MRC2: variants seen among roughly 807,000 people sequenced by gnomAD.
MRC2 encodes mannose receptor C-type 2.
A neutral mutation model predicts 206.2 loss-of-function variants in MRC2; 84 were observed. That is an observed-to-expected ratio of 0.41 (90% CI 0.34 to 0.49). The LOEUF is 0.49. Among genes scored for constraint, MRC2 ranks in the 20% least tolerant of loss-of-function variants. The pLI is 0.31. For synonymous variants in MRC2, 798 were observed against 800.0 expected (o/e 1.00, Z 0.04); for missense variants, 1,676 against 2,001.5 (o/e 0.84, Z 3.10).
intron 8 of MRC2, among the ~76,000 whole-genome samples, chr17:62,673,500 G>A (rs963570320): frequency 5.0e-5 from 7 of 139,538 alleles, no homozygotes; most frequent in Admixed American, 3.8e-4. Flanking sequence ...GTAAAAGGAC[G>A]CCTTTCCTTT....
rs2088844476 is a variant in MRC2, at chr17:62,672,898, A to G, written c.1461+746A>G. 6.6e-6 allele frequency among the ~76,000 whole-genome samples: 1 copy of G among 152,118 alleles called. No individual in the cohort carries two copies. The highest frequency in any genetic ancestry group is 2.4e-5 in the African/African-American group (1 of 41,398). ...TCCCAGCTACTCCAGAGGCTGAGGC[A>G]AGAGAATCGCTTGAACCTGGAAGGC... On this transcript the variant is annotated intron_variant, in intron 8 of 29. Coordinates refer to ENST00000303375, the MANE Select transcript of MRC2 (RefSeq NM_006039.5). This position sits in a 1 kb window ranked among gnomAD's most constrained non-coding sequence, Gnocchi z 4.5.
chr17:62,690,609 A>G (rs2089096225), intron 26 of MRC2, 33 bp from the exon 27 acceptor site: 1 of 1,563,342 alleles, frequency 6.4e-7, no homozygotes, highest in East Asian at 2.3e-5. Flanking sequence ...CCGGAGACCC[A>G]TCCGCCCTGA....
At chr17:62,641,435 C>T (rs1219428907) in intron 1 of MRC2, among the ~76,000 whole-genome samples, 1 of 152,022 alleles carries the variant, frequency 6.6e-6, no homozygotes, top group Non-Finnish European at 1.5e-5. Flanking sequence ...CCCAGACAAA[C>T]TAGCCTGGCT....
intron 1 of MRC2, among the ~76,000 whole-genome samples, chr17:62,651,377 C>T (rs1027281135): frequency 1.3e-5 from 2 of 152,102 alleles, no homozygotes; most frequent in African/African-American, 4.8e-5. Flanking sequence ...CCACTGCGCC[C>T]GGCCGACAAA....
chr17:62,651,703 G>A (rs2088558026), intron 1 of MRC2, among the ~76,000 whole-genome samples: 1 of 151,900 alleles, frequency 6.6e-6, no homozygotes, highest in Non-Finnish European at 1.5e-5. Flanking sequence ...GTCTCCTCAG[G>A]CATACACCAC....
At chr17:62,630,186 G>A (rs1385600063) in intron 1 of MRC2, among the ~76,000 whole-genome samples, 6 of 152,186 alleles carry the variant, frequency 3.9e-5, no homozygotes, top group Non-Finnish European at 1.5e-5. Context: ...AGAATGAAAC[G>A]TGGAACAGTG....
chr17:62,627,960 G>C (rs1026599543), intron 1 of MRC2, 40 bp downstream of exon 1: 123 of 1,326,466 alleles, frequency 9.3e-5, no homozygotes, highest in African/African-American at 1.1e-4. Context: ...GGGCCCGGGC[G>C]GGGGGAGCGC....
intron 1 of MRC2, among the ~76,000 whole-genome samples, chr17:62,633,318 C>T (rs1047293216): frequency 7.2e-5 from 11 of 151,766 alleles, no homozygotes; most frequent in East Asian, 5.8e-4. Flanking sequence ...CTGGCTAACA[C>T]GGTGAAACCC....
intron 1 of MRC2, among the ~76,000 whole-genome samples, chr17:62,663,958 C>CTTTTTT (rs1200787312): frequency 8.0e-6 from 1 of 125,288 alleles, no homozygotes; most frequent in Non-Finnish European, 1.7e-5. Context: ...GTTGGGTTTG[C>CTTTTTT]TTTTTTTTTT....
Position 62,692,616 on chromosome 17 carries a change from A to G in MRC2, c.*165A>G. On this transcript the variant is annotated 3_prime_UTR_variant, in exon 30 of 30. Coordinates refer to ENST00000303375, the MANE Select transcript of MRC2 (RefSeq NM_006039.5). This position sits in a 1 kb window ranked among gnomAD's most constrained non-coding sequence, Gnocchi z 4.2. ...GCAGAGCCTGGGCTGGTGGGGTGCC[A>G]CCCTCCCACAAGGGCTGGGCTGAGA... 2 of 689,780 alleles carry G rather than the reference A, an allele frequency of 2.9e-6. No individual in the cohort carries two copies. The highest frequency in any genetic ancestry group is 4.8e-6 in the Non-Finnish European group (2 of 419,426). 42.7% of individuals were successfully genotyped at this position (689,780 alleles called of 1,614,324 possible). A position where few individuals can be genotyped will look rare whatever the true frequency, so the allele number is the denominator to read the frequency against.
Position 62,667,582 on chromosome 17 carries a change from G to A in MRC2, c.1117+49G>A. 1.3e-6 allele frequency: 2 copies of A among 1,553,460 alleles called. No individual in the cohort carries two copies. The highest frequency in any genetic ancestry group is 8.6e-7 in the Non-Finnish European group (1 of 1,160,748). ...GGTGGGGAGGGGCTCCCAGGGCCAG[G>A]GACACAGCCACAGAGCCGTGGCAGG... On this transcript the variant is annotated intron_variant, in intron 6 of 29. Transcript: ENST00000303375. The surrounding 1 kb of genome is among the most constrained non-coding windows in gnomAD (Gnocchi z 4.1).
chr17:62,684,747 G>C (rs941643340), intron 20 of MRC2, among the ~76,000 whole-genome samples: 1 of 152,200 alleles, frequency 6.6e-6, no homozygotes, highest in Admixed American at 6.5e-5. Context: ...GATTAGATTA[G>C]TTAACACTGA....
chr17:62,678,552 C>G lies in MRC2; in HGVS notation c.2101C>G (p.Gln701Glu). 6.2e-7 allele frequency: 1 copy of G among 1,610,542 alleles called. No homozygotes were observed. The highest frequency in any genetic ancestry group is 8.5e-7 in the Non-Finnish European group (1 of 1,179,088). Reference sequence around the variant, plus strand: ...GGACAAGAAGAGCTGGGTCCAGGCCCAGGGGGCCTGCCAGGAGCTGGGGGC... The same window carrying G: ...GGACAAGAAGAGCTGGGTCCAGGCCGAGGGGGCCTGCCAGGAGCTGGGGGC... ...LQDKKSWVQAQGACQELGAQL... is the reference protein window; with the variant it reads ...LQDKKSWVQAEGACQELGAQL... Residue 701 changes from glutamine to glutamate, a missense_variant, in exon 13 of 30, where the codon CAG becomes GAG. Physicochemically the swap from Gln to Glu is conservative, Grantham distance 29. Around this residue, in one of 3 missense-constraint regions of MRC2, gnomAD observed 1,354 missense variants for 1,636.6 expected, o/e 0.83. Transcript: ENST00000303375.
chr17:62,671,329 C>G lies in MRC2; in HGVS notation c.1118-320C>G, dbSNP rs773599561. ...CAAGCAATCCTCCAGCCTTAGCCTT[C>G]CAAAGTGCTGGGATTACAGGCCTGA... On this transcript the variant is annotated intron_variant, in intron 6 of 29. Coordinates refer to ENST00000303375, the MANE Select transcript of MRC2 (RefSeq NM_006039.5). The surrounding 1 kb of genome is among the most constrained non-coding windows in gnomAD (Gnocchi z 4.5). Among the ~76,000 whole-genome samples the G allele has an allele frequency of 1.5e-4, 23 of 152,178 alleles. No individual in the cohort carries two copies. The highest frequency in any genetic ancestry group is 2.4e-4 in the Non-Finnish European group (16 of 68,038).
chr17:62,686,035 A>C (rs2089027187), intron 20 of MRC2, among the ~76,000 whole-genome samples: 1 of 152,108 alleles, frequency 6.6e-6, no homozygotes, highest in Non-Finnish European at 1.5e-5. Flanking sequence ...TCCATGTACT[A>C]GGGGAGGGGA....
rs2088565057 is a variant in MRC2 at position 62,652,302 on chromosome 17, C to T, written c.119-12246C>T. ...AGGGCAGGCGCACAACACCCCCGCA[C>T]GGAGAAATGAACAGGTGTGGCTCGG... is the stretch of plus-strand genomic sequence containing the variant. On this transcript the variant is annotated intron_variant, in intron 1 of 29. Coordinates refer to ENST00000303375, the MANE Select transcript of MRC2 (RefSeq NM_006039.5). This position sits in a 1 kb window ranked among gnomAD's most constrained non-coding sequence, Gnocchi z 4.6. Among the ~76,000 whole-genome samples, 1 of 152,270 alleles carries T rather than the reference C, an allele frequency of 6.6e-6. No homozygotes were observed. The highest frequency in any genetic ancestry group is 6.5e-5 in the Admixed American group (1 of 15,290).
chr17:62,680,144 C>T lies in MRC2; in HGVS notation c.2299-26C>T. 1 of 1,613,886 alleles carries T rather than the reference C, an allele frequency of 6.2e-7. No homozygotes were observed. ...GGCCTGCACCTTGCGCCTCACGTTC[C>T]TCTTCCCTCCACCCGCCTCCTCCAG... On this transcript the variant is annotated intron_variant, in intron 14 of 29. Transcript: ENST00000303375. The surrounding 1 kb of genome is among the most constrained non-coding windows in gnomAD (Gnocchi z 4.8).
At chr17:62,677,789 C>A (rs568334595) in intron 12 of MRC2, among the ~76,000 whole-genome samples, 2 of 152,336 alleles carry the variant, frequency 1.3e-5, no homozygotes, top group East Asian at 3.9e-4. Flanking sequence ...CAGTGGCTCA[C>A]ACCTGTAATC....
chr17:62,688,419 G>T lies in MRC2; in HGVS notation c.3061+16G>T. The T allele has an allele frequency of 1.2e-6, 2 of 1,614,174 alleles. No homozygotes were observed. Among genetic ancestry groups the T allele is most frequent in the Non-Finnish European group, 1.7e-6 (2 of 1,180,000 alleles). On this transcript the variant is annotated intron_variant, in intron 21 of 29. Coordinates refer to ENST00000303375, the MANE Select transcript of MRC2 (RefSeq NM_006039.5). ...TTAGAGCAAGGTAGGGCCAGCCTAT[G>T]GGGAGCCCCCAGTATCCTCTGACAC...
Sources: allele counts gnomAD v4.1 joint callset (sites outside exome capture counted in the v4.1 genomes callset), GRCh38; gene constraint gnomAD v4.1.1; regional missense constraint gnomAD v4.1.1; non-coding constraint Gnocchi (gnomAD v3.1); transcripts MANE v1.5; gene names NCBI Gene and HGNC (gene_info 2026-07-23, HGNC 2026-07-21).